TMEM255B: variants seen among roughly 807,000 people sequenced by gnomAD.
The protein encoded by TMEM255B is transmembrane protein 255B, also known as family with sequence similarity 70, member B.
In TMEM255B, 35 loss-of-function variants were observed where a neutral mutation model predicts 34.5. The ratio of observed to expected loss-of-function variants is 1.01; its 90% CI spans 0.77 to 1.34. The LOEUF is 1.34. Ranked by LOEUF, TMEM255B falls within the 40% of genes most tolerant of loss-of-function variation. TMEM255B has a pLI of 0.00. For missense variants in TMEM255B, 432 were observed against 433.2 expected (o/e 1.00, Z 0.02); for synonymous variants, 206 against 201.2 (o/e 1.02, Z -0.20).
chr13:113,805,785 G>A (rs1447386884), intron 8 of TMEM255B, among the ~76,000 whole-genome samples: 2 of 152,168 alleles, frequency 1.3e-5, no homozygotes, highest in African/African-American at 4.8e-5. Flanking sequence ...CTGCCTGGAC[G>A]TGCCGTGTGC....
In TMEM255B at chr13:113,812,107, C is replaced by A; in HGVS notation, c.*204C>A. 1.6e-6 allele frequency: 1 copy of A among 644,498 alleles called. No individual in the cohort carries two copies. Among genetic ancestry groups the A allele is most frequent in the East Asian group, 3.0e-5 (1 of 33,734 alleles). 39.9% of individuals were successfully genotyped at this position (644,498 alleles called of 1,614,324 possible). A position where few individuals can be genotyped will look rare whatever the true frequency, so the allele number is the denominator to read the frequency against. ...GGGCCCTCCAGACCCAGGCTGGTGA[C>A]ACCTTGGCTTGGGCTCTGCTCACAT... On this transcript the variant is annotated 3_prime_UTR_variant, in exon 9 of 9. Coordinates refer to ENST00000375353, the MANE Select transcript of TMEM255B (RefSeq NM_182614.4).
chr13:113,804,502 G>A (rs2051127247), intron 7 of TMEM255B, among the ~76,000 whole-genome samples: 1 of 152,200 alleles, frequency 6.6e-6, no homozygotes. Context: ...CGGTCACCCA[G>A]TGTGACTAGC....
chr13:113,805,505 G>C (rs1195686332), intron 8 of TMEM255B, among the ~76,000 whole-genome samples: 1 of 152,246 alleles, frequency 6.6e-6, no homozygotes, highest in Non-Finnish European at 1.5e-5. Context: ...CCATGGTGGG[G>C]GGCGAGCAGG....
chr13:113,787,612 G>A (rs1214900391), intron 3 of TMEM255B, among the ~76,000 whole-genome samples: 1 of 152,204 alleles, frequency 6.6e-6, no homozygotes, highest in Non-Finnish European at 1.5e-5. Flanking sequence ...CAGGTCAGAC[G>A]TGAAGAAGGG....
chr13:113,770,694 C>T lies in TMEM255B; in HGVS notation c.252+1534C>T, dbSNP rs912811672. ...CCTGTTGTTGGCTCCCGAGGGTGGGCGTCACAGCTGACCAGGGTGGGCAAA... is the reference window on the plus strand; with the variant it reads ...CCTGTTGTTGGCTCCCGAGGGTGGGTGTCACAGCTGACCAGGGTGGGCAAA... On this transcript the variant is annotated intron_variant, in intron 3 of 8. Transcript: ENST00000375353. The surrounding 1 kb of genome is among the most constrained non-coding windows in gnomAD (Gnocchi z 4.6). 1.4e-4 allele frequency among the ~76,000 whole-genome samples: 22 copies of T among 152,068 alleles called. No individual in the cohort carries two copies. Among genetic ancestry groups the T allele is most frequent in the Non-Finnish European group, 2.2e-4 (15 of 68,010 alleles).
At chr13:113,811,643 CGTGT>C in intron 8 of TMEM255B, 89 bp from the exon 9 acceptor site, 3 of 1,440,352 alleles carry the variant, frequency 2.1e-6, no homozygotes, top group Non-Finnish European at 2.8e-6. Context: ...GGGTGGGGAG[CGTGT>C]GAGTGGCCCT....
At chr13:113,807,798 C>T (rs2051211940) in intron 8 of TMEM255B, among the ~76,000 whole-genome samples, 2 of 138,494 alleles carry the variant, frequency 1.4e-5, no homozygotes, top group African/African-American at 2.7e-5. Context: ...GGGCGGTCCT[C>T]CCTATCACAG....
chr13:113,799,773 C>T, intron 5 of TMEM255B: 1 of 675,862 alleles, frequency 1.5e-6, no homozygotes, highest in Non-Finnish European at 2.8e-6. Flanking sequence ...TCTGGATTTC[C>T]CTGAGCCACC....
At chr13:113,775,732 C>T (rs2050565744) in intron 3 of TMEM255B, among the ~76,000 whole-genome samples, 2 of 152,250 alleles carry the variant, frequency 1.3e-5, no homozygotes, top group Non-Finnish European at 2.9e-5. Flanking sequence ...TCGCTGGGCA[C>T]CCAGCTCGGG....
Position 113,813,234 on chromosome 13 carries a change from C to G in TMEM255B, c.*1331C>G, listed in dbSNP as rs1227866952. On this transcript the variant is annotated 3_prime_UTR_variant, in exon 9 of 9. Transcript: ENST00000375353. Reference sequence around the variant, plus strand: ...GCCACAAGACACCAAGTCGCCGTCTCTGCTCTGTGGGCCGCTCACGGTTCC... The same window carrying G: ...GCCACAAGACACCAAGTCGCCGTCTGTGCTCTGTGGGCCGCTCACGGTTCC... 6.6e-6 allele frequency: 1 copy of G among 152,260 alleles called. No individual in the cohort carries two copies. Among genetic ancestry groups the G allele is most frequent in the Non-Finnish European group, 1.5e-5 (1 of 68,096 alleles). 9.4% of individuals were successfully genotyped at this position (152,260 alleles called of 1,614,324 possible). A position where few individuals can be genotyped will look rare whatever the true frequency, so the allele number is the denominator to read the frequency against.
intron 3 of TMEM255B, among the ~76,000 whole-genome samples, chr13:113,792,416 C>G (rs556504759): frequency 4.6e-5 from 7 of 152,246 alleles, no homozygotes; most frequent in Non-Finnish European, 8.8e-5. Context: ...GCCTCTGCCC[C>G]ACCTCAGTGG....
intron 3 of TMEM255B, among the ~76,000 whole-genome samples, chr13:113,778,708 CGAT>C (rs1310448654): frequency 6.6e-6 from 1 of 151,926 alleles, no homozygotes; most frequent in Non-Finnish European, 1.5e-5. Context: ...AATGATATGA[CGAT>C]GATCACCTGT....
intron 8 of TMEM255B, 87 bp downstream of exon 8, chr13:113,805,115 G>A: frequency 7.3e-7 from 1 of 1,367,198 alleles, no homozygotes; most frequent in Non-Finnish European, 9.5e-7. Flanking sequence ...GAGGGGATGA[G>A]GTCTTGCAGC....
intron 3 of TMEM255B, among the ~76,000 whole-genome samples, chr13:113,782,674 G>GT (rs1566729222): frequency 6.6e-5 from 10 of 150,626 alleles, no homozygotes; most frequent in South Asian, 2.2e-4. Context: ...GTGATGGTCG[G>GT]AGGGGGGGGC....
intron 3 of TMEM255B, among the ~76,000 whole-genome samples, chr13:113,784,195 C>T (rs2050706505): frequency 6.6e-6 from 1 of 152,084 alleles, no homozygotes; most frequent in Non-Finnish European, 1.5e-5. Context: ...GTTGGGCACC[C>T]ATGTGAGCTG....
chr13:113,774,957 GAC>G (rs1485745673), intron 3 of TMEM255B, among the ~76,000 whole-genome samples: 1 of 87,778 alleles, frequency 1.1e-5, no homozygotes, highest in African/African-American at 4.6e-5. Context: ...CACAACACAC[GAC>G]ACACACCACA....
At chr13:113,804,766 C>G (rs1050158888) in intron 7 of TMEM255B, 119 bp from the exon 8 acceptor site, 9 of 758,630 alleles carry the variant, frequency 1.2e-5, no homozygotes, top group Non-Finnish European at 1.7e-5. Context: ...CACGCCGGGC[C>G]GGGGTTAGTT....
chr13:113,804,433 C>A (rs925408814), intron 7 of TMEM255B, among the ~76,000 whole-genome samples: 42 of 152,158 alleles, frequency 2.8e-4, no homozygotes, highest in African/African-American at 9.9e-4. Context: ...GAGAAGGAAA[C>A]CAGTGCTTTT....
intron 3 of TMEM255B, among the ~76,000 whole-genome samples, chr13:113,778,875 C>A (rs1459093083): frequency 1.3e-5 from 2 of 152,204 alleles, no homozygotes; most frequent in African/African-American, 4.8e-5. Flanking sequence ...AATGCTCACT[C>A]CTGGCCACTG....
Sources: gnomAD v4.1 joint callset for allele counts (sites outside exome capture counted in the v4.1 genomes callset) on GRCh38, gnomAD v4.1.1 for gene constraint, Gnocchi (gnomAD v3.1) non-coding constraint, MANE v1.5 for transcripts, NCBI Gene and HGNC (gene_info 2026-07-23, HGNC 2026-07-21) for gene names.